The following DPY19L4 variants were observed in gnomAD, a reference collection of about 807,000 sequenced individuals.
DPY19L4 encodes the protein dpy-19 like 4.
DPY19L4 carries 97 observed loss-of-function variants against 102.8 expected under a neutral mutation model. The ratio of observed to expected loss-of-function variants is 0.94; its 90% CI spans 0.80 to 1.12. The LOEUF is 1.12. Ranked by LOEUF, DPY19L4 falls within the 50% of genes most tolerant of loss-of-function variation. The pLI is 0.00. For missense variants in DPY19L4, 815 were observed against 850.4 expected (o/e 0.96, Z 0.52); for synonymous variants, 252 against 283.1 (o/e 0.89, Z 1.10).
At chr8:94,720,836 G>A (rs574049058) in intron 1 of DPY19L4, among the ~76,000 whole-genome samples, 67 of 152,302 alleles carry the variant, frequency 4.4e-4, no homozygotes, top group African/African-American at 1.6e-3. Context: ...CTAGTTTCAG[G>A]AAGTGAGAAG....
At chr8:94,739,039 T>C (rs1811320028) in intron 4 of DPY19L4, among the ~76,000 whole-genome samples, 1 of 152,178 alleles carries the variant, frequency 6.6e-6, no homozygotes, top group Non-Finnish European at 1.5e-5. Flanking sequence ...TCTCAGCTTT[T>C]TGAAAATATA....
chr8:94,761,893 A>G lies in DPY19L4; in HGVS notation c.870+59A>G, dbSNP rs1002507645. ...AGAATAAATGTATTTATAGCATTGT[A>G]TCTTAAAACCTCTCTTTTCTTCATC... On this transcript the variant is annotated intron_variant, in intron 8 of 18. Transcript: ENST00000414645. 12 of 1,511,858 alleles carry G rather than the reference A, an allele frequency of 7.9e-6. No individual in the cohort carries two copies. The African/African-American group carries it at 1.5e-4, about 19-fold the overall frequency. 93.7% of individuals were successfully genotyped at this position (1,511,858 alleles called of 1,614,324 possible). A position where few individuals can be genotyped will look rare whatever the true frequency, so the allele number is the denominator to read the frequency against.
intron 8 of DPY19L4, among the ~76,000 whole-genome samples, chr8:94,764,681 C>CTGTGTGTG (rs1283759337): frequency 5.3e-4 from 37 of 70,010 alleles, no homozygotes; most frequent in Non-Finnish European, 6.4e-4. Flanking sequence ...GTGTGTGTGT[C>CTGTGTGTG]TGTGTGTGTA....
Position 94,770,513 on chromosome 8 carries a change from A to G in DPY19L4, c.1396A>G (p.Ile466Val). 6.2e-7 allele frequency: 1 copy of G among 1,613,978 alleles called. No individual in the cohort carries two copies. The highest frequency in any genetic ancestry group is 8.5e-7 in the Non-Finnish European group (1 of 1,179,944). ...EDGRIGERPE[I>V]IYHVIHTILL... is the part of the protein sequence containing the mutation. The stretch of plus-strand genomic sequence containing the variant: ...TGGACGAATTGGAGAAAGACCAGAA[A>G]TAATTTATCATGTAATTCACACTAT... The change falls in exon 13 of 19, where the codon ATA becomes GTA. Residue 466 changes from isoleucine (I) to valine (V), a missense_variant. Ile to Val is a conservative substitution (Grantham distance 29). Transcript: ENST00000414645.
At chr8:94,789,062 G>A (rs867129005) in intron 18 of DPY19L4, among the ~76,000 whole-genome samples, 4 of 151,990 alleles carry the variant, frequency 2.6e-5, no homozygotes, top group African/African-American at 4.8e-5. Flanking sequence ...ATGAAGCCTC[G>A]GGTACAGTTT....
chr8:94,777,550 TGTC>T, intron 13 of DPY19L4, 113 bp from the exon 14 acceptor site: 1 of 1,290,576 alleles, frequency 7.7e-7, no homozygotes, highest in Non-Finnish European at 1.1e-6. Context: ...GCTTTTTCAC[TGTC>T]CCTTAGCATT....
chr8:94,772,506 CA>C (rs1327462720), intron 13 of DPY19L4, among the ~76,000 whole-genome samples: 1 of 152,202 alleles, frequency 6.6e-6, no homozygotes, highest in Non-Finnish European at 1.5e-5. Flanking sequence ...ACAGAACTAC[CA>C]TTTGTTCCCT....
rs1162500025 is a variant in DPY19L4, at chr8:94,726,337, C to T, written c.23C>T (p.Pro8Leu). The T allele has an allele frequency of 6.2e-7, 1 of 1,606,418 alleles. No homozygotes were observed. The highest frequency in any genetic ancestry group is 8.5e-7 in the Non-Finnish European group (1 of 1,178,132). ...ATGTCTTAAATATTTTAAGGACCAC[C>T]TGTAGAGCTGCGCCAAAGAAAAAAG... MAEEEGP[P>L]VELRQRKKPK... Residue 8 changes from proline (P) to leucine (L), a missense_variant, in exon 2 of 19, where the codon CCT (proline) becomes CTT (leucine). By Grantham distance (98) the Pro-to-Leu change is moderately conservative. Transcript: ENST00000414645.
chr8:94,729,094 G>C (rs1810818167), intron 2 of DPY19L4, among the ~76,000 whole-genome samples: 1 of 152,132 alleles, frequency 6.6e-6, no homozygotes, highest in Non-Finnish European at 1.5e-5. Flanking sequence ...TGGGAGGCCA[G>C]GCACGGTGGC....
intron 12 of DPY19L4, among the ~76,000 whole-genome samples, chr8:94,769,165 G>C (rs1045678461): frequency 6.7e-6 from 1 of 148,798 alleles, no homozygotes; most frequent in African/African-American, 2.5e-5. Context: ...GGGTTCAAGC[G>C]ATTCTCCTAC....
chr8:94,754,870 C>A lies in DPY19L4; in HGVS notation c.612-1166C>A, dbSNP rs188018693. On this transcript the variant is annotated intron_variant, in intron 6 of 18. Transcript: ENST00000414645. The stretch of plus-strand genomic sequence containing the variant: ...GTGGTGCGATCTCTGCTCTCTGCAA[C>A]CTCCGCCTCCCAGGTTCAAGTGATT... Among the ~76,000 whole-genome samples the A allele has an allele frequency of 9.8e-4, 150 of 152,300 alleles. 2 individuals carry two copies. In the East Asian group the frequency reaches 0.022, roughly 22 times the overall value.
chr8:94,787,610 T>C (rs193020768), intron 17 of DPY19L4, among the ~76,000 whole-genome samples: 63 of 152,276 alleles, frequency 4.1e-4, no homozygotes, highest in African/African-American at 1.4e-3. Flanking sequence ...TATTAACATT[T>C]CAGAAAGACT....
At chr8:94,779,523 C>T (rs1259285034) in intron 14 of DPY19L4, among the ~76,000 whole-genome samples, 1 of 150,642 alleles carries the variant, frequency 6.6e-6, no homozygotes, top group African/African-American at 2.4e-5. Flanking sequence ...GAGACAGGGT[C>T]TCACTATGTT....
chr8:94,745,307 G>T (rs2130834624), intron 6 of DPY19L4, among the ~76,000 whole-genome samples: 1 of 150,126 alleles, frequency 6.7e-6, no homozygotes, highest in South Asian at 2.1e-4. Context: ...CAGAGTCCAG[G>T]TTCCACGTAG....
At chr8:94,727,071 G>A (rs1810722457) in intron 2 of DPY19L4, among the ~76,000 whole-genome samples, 1 of 152,032 alleles carries the variant, frequency 6.6e-6, no homozygotes, top group South Asian at 2.1e-4. Flanking sequence ...TCTACATCAG[G>A]GCCAGCTATG....
At chr8:94,778,725 T>C (rs1254675638) in intron 14 of DPY19L4, among the ~76,000 whole-genome samples, 2 of 152,062 alleles carry the variant, frequency 1.3e-5, no homozygotes, top group African/African-American at 4.8e-5. Context: ...AGATTGGAAA[T>C]ATATTTAGTT....
Position 94,790,794 on chromosome 8 carries a change from T to A in DPY19L4, c.*884T>A, listed in dbSNP as rs1372094521. ...TTAAATCATTATCAGAATAAAAATA[T>A]GTGTTCTAAAATTAGCAACAATTTC... On this transcript the variant is annotated 3_prime_UTR_variant, in exon 19 of 19. Coordinates refer to ENST00000414645, the MANE Select transcript of DPY19L4 (RefSeq NM_181787.3). The A allele has an allele frequency of 1.3e-5, 2 of 152,118 alleles. No homozygotes were observed. The highest frequency in any genetic ancestry group is 4.8e-5 in the African/African-American group (2 of 41,448). The allele number at this position is 152,118 out of a possible 1,614,324, so 9.4% of individuals were successfully genotyped here.
chr8:94,723,481 A>C (rs1810561862), intron 1 of DPY19L4, among the ~76,000 whole-genome samples: 1 of 152,166 alleles, frequency 6.6e-6, no homozygotes, highest in Non-Finnish European at 1.5e-5. Context: ...CTCAAAAAAA[A>C]AAAAAAGATA....
chr8:94,775,980 C>T (rs1813158458), intron 13 of DPY19L4, among the ~76,000 whole-genome samples: 1 of 149,386 alleles, frequency 6.7e-6, no homozygotes, highest in Non-Finnish European at 1.5e-5. Flanking sequence ...TTTTTCTGTA[C>T]ACCTGGATTT....
Sources: allele counts gnomAD v4.1 joint callset (sites outside exome capture counted in the v4.1 genomes callset), GRCh38; gene constraint gnomAD v4.1.1; transcripts MANE v1.5; gene names NCBI Gene and HGNC (gene_info 2026-07-23, HGNC 2026-07-21).